TCEAL4: variants seen among roughly 807,000 people sequenced by gnomAD.
TCEAL4 encodes transcription elongation factor A protein-like 4.
In TCEAL4, 1 loss-of-function variant was observed where a neutral mutation model predicts 1.3. That is an observed-to-expected ratio of 0.79 (90% CI 0.28 to 3.76). TCEAL4 has a LOEUF of 3.76. TCEAL4 is among the 30% of genes most tolerant of loss of function. The pLI is 0.18. For synonymous variants in TCEAL4, 54 were observed against 50.7 expected (o/e 1.06, Z -0.28); for missense variants, 129 against 154.7 (o/e 0.83, Z 0.88).
upstream of TCEAL4, among the ~76,000 whole-genome samples, chrX:103,584,112 G>A (rs779196276): frequency 1.8e-5 from 2 of 110,350 alleles, no homozygotes; most frequent in African/African-American, 6.6e-5. Flanking sequence ...ATTTTTAGTA[G>A]AGATGGGGTT....
At chrX:103,586,101 G>A in intron 1 of TCEAL4, 118 bp from the exon 2 acceptor site, 1 of 1,102,290 alleles carries the variant, frequency 9.1e-7, no homozygotes, top group Non-Finnish European at 1.2e-6. Flanking sequence ...GCTGGGGTGC[G>A]GCGGAGGTAG....
chrX:103,581,090 T>C (rs1321289400), upstream of TCEAL4, among the ~76,000 whole-genome samples: 1 of 111,700 alleles, frequency 9.0e-6, no homozygotes, highest in African/African-American at 3.3e-5. Flanking sequence ...CATCAGATAA[T>C]ACTACAAACA....
chrX:103,587,113 T>C lies in TCEAL4; in HGVS notation c.438T>C (p.His146=), dbSNP rs11010. The C allele has an allele frequency of 0.34, 405,623 of 1,208,167 alleles. 49,458 individuals carry two copies. Among genetic ancestry groups the C allele is most frequent in the African/African-American group, 0.46 (26,265 of 56,602 alleles). ...TCAAGGAGTATAAAGAGGCCATACATGATATGAATTTCAGCAATGAGGACA... is the reference window on the plus strand; with the variant it reads ...TCAAGGAGTATAAAGAGGCCATACACGATATGAATTTCAGCAATGAGGACA... The part of the protein sequence containing the change: ...HYLKEYKEAI[H]DMNFSNEDMI... Residue 146 remains histidine (H), a synonymous_variant, in exon 3 of 3, where the codon CAT becomes CAC. Transcript: ENST00000472484.
Position 103,586,562 on chromosome X carries a change from G to A in TCEAL4, c.-27-87G>A. On this transcript the variant is annotated intron_variant, in intron 2 of 2. Transcript: ENST00000472484. ...AACCCTCATCAGGGGTGAGATGCAA[G>A]TACTATCCAGACCTGCATTCCACCC... The A allele has an allele frequency of 2.8e-6, 3 of 1,082,706 alleles. No individual in the cohort carries two copies. In the South Asian group the frequency reaches 6.6e-5, roughly 24 times the overall value. The allele number at this position is 1,082,706 out of a possible 1,213,427, so 89.2% of individuals were successfully genotyped here. A position where few individuals can be genotyped will look rare whatever the true frequency, so the allele number is the denominator to read the frequency against.
chrX:103,576,963 A>T (rs1274164997), intron 1 of TCEAL4: 4 of 803,268 alleles, frequency 5.0e-6, no homozygotes, highest in Non-Finnish European at 6.9e-6. Flanking sequence ...AAGAATTGTT[A>T]CATGGCAGCT....
At chrX:103,585,499 G>C (rs773959897), upstream of TCEAL4, 1 of 1,115,681 alleles carries the variant, frequency 9.0e-7, no homozygotes, top group Non-Finnish European at 1.2e-6. Flanking sequence ...CCTGGGCTGC[G>C]GCATTCACGT....
In TCEAL4 at chrX:103,586,944, GAGAGGGAAAACCAGAGAT is replaced by G. The variant is rs762068475; in HGVS notation, c.279_296del (p.Ile96_Glu101del). 1.8e-4 allele frequency: 217 copies of G among 1,206,478 alleles called. 2 individuals carry two copies. In the East Asian group the frequency reaches 6.0e-3, roughly 33 times the overall value. On this transcript the variant is annotated inframe_deletion, in exon 3 of 3. Coordinates refer to ENST00000472484, the MANE Select transcript of TCEAL4 (RefSeq NM_001006935.3). The stretch of plus-strand genomic sequence containing the variant: ...TCAGAGATGGAGGGAGGATCAGAGA[GAGAGGGAAAACCAGAGAT>G]AGAGGGAAAGCCAGAGAGTGAAGGA...
In TCEAL4 at chrX:103,587,456, G is replaced by A. The variant is rs751562599; in HGVS notation, c.*133G>A. The A allele has an allele frequency of 1.3e-6, 1 of 784,946 alleles. No individual in the cohort carries two copies. The highest frequency in any genetic ancestry group is 5.3e-5 in the South Asian group (1 of 18,979). 64.7% of individuals were successfully genotyped at this position (784,946 alleles called of 1,213,427 possible). A position where few individuals can be genotyped will look rare whatever the true frequency, so the allele number is the denominator to read the frequency against. ...TGTTCTCAGTAGGAAATGTTCATCT[G>A]TTACATGGAAAAAATGTTGATGGTG... On this transcript the variant is annotated 3_prime_UTR_variant, in exon 3 of 3. Coordinates refer to ENST00000472484, the MANE Select transcript of TCEAL4 (RefSeq NM_001006935.3).
chrX:103,587,420 C>T lies in TCEAL4; in HGVS notation c.*97C>T. 1.0e-6 allele frequency: 1 copy of T among 966,743 alleles called. No individual in the cohort carries two copies. Among genetic ancestry groups the T allele is most frequent in the African/African-American group, 1.9e-5 (1 of 51,934 alleles). 79.7% of individuals were successfully genotyped at this position (966,743 alleles called of 1,213,427 possible). On this transcript the variant is annotated 3_prime_UTR_variant, in exon 3 of 3. Coordinates refer to ENST00000472484, the MANE Select transcript of TCEAL4 (RefSeq NM_001006935.3). ...TGTTGCTAGCAGCCTTTTGACCTAT[C>T]TGCAATGCAGTGTTCTCAGTAGGAA...
chrX:103,580,924 A>G (rs2073504886), upstream of TCEAL4, among the ~76,000 whole-genome samples: 1 of 110,860 alleles, frequency 9.0e-6, no homozygotes, highest in Non-Finnish European at 1.9e-5. Flanking sequence ...GCTATGAAAA[A>G]CCCTTCAAAA....
At chrX:103,577,185 C>T (rs1157498704) in exon 2 of TCEAL4, 4 of 1,166,650 alleles carry the variant, frequency 3.4e-6, no homozygotes, top group Non-Finnish European at 4.6e-6. Flanking sequence ...CGGGACATAA[C>T]AACTTCGGAA....
At chrX:103,581,844 G>GCT (rs2147619186), upstream of TCEAL4, among the ~76,000 whole-genome samples, 1 of 111,529 alleles carries the variant, frequency 9.0e-6, no homozygotes, top group South Asian at 3.8e-4. Context: ...AGACAAGGAT[G>GCT]CTCTCTCTCT....
At position 103,587,509 on chromosome X, in the gene TCEAL4, C is replaced by A; in HGVS notation, c.*186C>A. On this transcript the variant is annotated 3_prime_UTR_variant, in exon 3 of 3. Transcript: ENST00000472484. ...TTGTAAAATTAAAAAACACAACTTG[C>A]AGAACCAAATATATGGCATCAGTAC... The A allele has an allele frequency of 2.2e-6, 1 of 461,225 alleles. No homozygotes were observed. Among genetic ancestry groups the A allele is most frequent in the African/African-American group, 2.5e-5 (1 of 40,671 alleles). The allele number at this position is 461,225 out of a possible 1,213,427, so 38.0% of individuals were successfully genotyped here.
At position 103,586,867 on chromosome X, in the gene TCEAL4, G is replaced by A; in HGVS notation, c.192G>A (p.Lys64=). 1.7e-6 allele frequency: 2 copies of A among 1,197,531 alleles called. No homozygotes were observed. The highest frequency in any genetic ancestry group is 2.3e-6 in the Non-Finnish European group (2 of 888,244). The change falls in exon 3 of 3, where the codon AAG becomes AAA. Residue 64 remains lysine, a synonymous_variant. Transcript: ENST00000472484. ...AGGAAATGTTAAAGGATAAAGGAAA[G>A]CCAGAGAGTGAGGGAGAGGCAAAAG... ...GDEEMLKDKG[K]PESEGEAKEG...
At chrX:103,579,855 G>C (rs1412186850) in intron 2 of TCEAL4, among the ~76,000 whole-genome samples, 2 of 112,056 alleles carry the variant, frequency 1.8e-5, no homozygotes, top group African/African-American at 6.5e-5. Flanking sequence ...TACAAATATA[G>C]TTTCTATAAT....
chrX:103,585,425 G>A, upstream of TCEAL4: 1 of 1,061,199 alleles, frequency 9.4e-7, no homozygotes, highest in South Asian at 2.6e-5. Flanking sequence ...GAGGGTACCT[G>A]CTGGAGAGGT....
chrX:103,586,528 G>C (rs1334470547), intron 2 of TCEAL4, 121 bp from the exon 3 acceptor site: 1 of 965,927 alleles, frequency 1.0e-6, no homozygotes, highest in East Asian at 3.2e-5. Flanking sequence ...GGCCTGGCCA[G>C]CTTAGGGGAA....
At chrX:103,580,684 TG>T (rs1460951745), upstream of TCEAL4, among the ~76,000 whole-genome samples, 1 of 111,579 alleles carries the variant, frequency 9.0e-6, no homozygotes, top group African/African-American at 3.3e-5. Context: ...CTCAAACTCC[TG>T]GGCTCAAGCA....
chrX:103,583,862 G>A (rs762406575), upstream of TCEAL4, among the ~76,000 whole-genome samples: 1 of 112,329 alleles, frequency 8.9e-6, no homozygotes, highest in East Asian at 2.8e-4. Context: ...TAAAATAAAA[G>A]TTGAAGAAAG....
Sources: gnomAD v4.1 joint callset for allele counts (sites outside exome capture counted in the v4.1 genomes callset) on GRCh38, gnomAD v4.1.1 for gene constraint, MANE v1.5 for transcripts, NCBI Gene and HGNC (gene_info 2026-07-23, HGNC 2026-07-21) for gene names.